TXNRD1: variants seen among roughly 807,000 people sequenced by gnomAD.
The protein encoded by TXNRD1 is thioredoxin reductase 1, cytoplasmic.
Under a neutral mutation model 80.3 loss-of-function variants are expected in TXNRD1, and 57 were observed. That is an observed-to-expected ratio of 0.71 (90% CI 0.57 to 0.89). The LOEUF (loss-of-function observed/expected upper bound fraction) is 0.89. Among genes scored for constraint, TXNRD1 ranks in the 40% least tolerant of loss-of-function variants. TXNRD1 has a pLI of 0.00. For missense variants in TXNRD1, 730 were observed against 803.0 expected (o/e 0.91, Z 1.10); for synonymous variants, 291 against 285.2 (o/e 1.02, Z -0.20).
At chr12:104,273,648 G>A (rs1304151761) in intron 3 of TXNRD1, among the ~76,000 whole-genome samples, 1 of 152,098 alleles carries the variant, frequency 6.6e-6, no homozygotes, top group Non-Finnish European at 1.5e-5. Context: ...GCCACCCTCA[G>A]CAGCATCAGA....
chr12:104,304,694 C>A (rs768010297), intron 4 of TXNRD1: 4 of 1,613,854 alleles, frequency 2.5e-6, no homozygotes, highest in Non-Finnish European at 2.5e-6. Flanking sequence ...CTCTTTTTCT[C>A]GTACTGTGGA....
chr12:104,285,327 T>C (rs189468754), intron 3 of TXNRD1, among the ~76,000 whole-genome samples: 1 of 152,336 alleles, frequency 6.6e-6, no homozygotes, highest in Admixed American at 6.5e-5. Context: ...TCTGGGCTCT[T>C]AACAGCAGCA....
intron 16 of TXNRD1, among the ~76,000 whole-genome samples, chr12:104,341,562 G>GT (rs1263510291): frequency 1.3e-5 from 2 of 152,108 alleles, no homozygotes; most frequent in Non-Finnish European, 2.9e-5. Context: ...CTTGTGATCT[G>GT]TTTTTTTACT....
intron 10 of TXNRD1, among the ~76,000 whole-genome samples, chr12:104,325,067 A>T (rs898795173): frequency 2.6e-5 from 4 of 152,182 alleles, no homozygotes; most frequent in African/African-American, 7.2e-5. Flanking sequence ...TGCTTTCTGT[A>T]GCTTGCTTTT....
At chr12:104,266,886 C>A (rs569625584) in intron 3 of TXNRD1, among the ~76,000 whole-genome samples, 4 of 152,162 alleles carry the variant, frequency 2.6e-5, no homozygotes, top group Admixed American at 6.5e-5. Context: ...GGTGTGAACC[C>A]GGGAGGCGGA....
rs1254150524 is a variant in TXNRD1, at chr12:104,215,940, C to G, written c.91+47C>G. On this transcript the variant is annotated intron_variant, in intron 1 of 16. Coordinates refer to ENST00000525566, the MANE Select transcript of TXNRD1 (RefSeq NM_001093771.3). ...TGGTCCCCAGGTCGACGGGCCGAAG[C>G]GGGCCTTCCGGCCGGGGTTGGGGAT... is the stretch of plus-strand genomic sequence containing the variant. The G allele has an allele frequency of 2.7e-6, 4 of 1,486,390 alleles. No homozygotes were observed. The African/African-American group carries it at 5.7e-5, about 21-fold the overall frequency. 92.1% of individuals were successfully genotyped at this position (1,486,390 alleles called of 1,614,324 possible).
intron 3 of TXNRD1, among the ~76,000 whole-genome samples, chr12:104,273,348 C>G (rs1004955352): frequency 5.3e-5 from 8 of 152,158 alleles, no homozygotes; most frequent in African/African-American, 1.7e-4. Context: ...AATCCCAGCA[C>G]TAATGGGAGG....
At chr12:104,252,253 G>C (rs1031251991) in intron 2 of TXNRD1, among the ~76,000 whole-genome samples, 1 of 151,882 alleles carries the variant, frequency 6.6e-6, no homozygotes, top group African/African-American at 2.4e-5. Flanking sequence ...GTTGATTTGC[G>C]GCCCTTTCAG....
In TXNRD1 at chr12:104,251,677, A is replaced by AG; in HGVS notation, c.243+1dup. The AG allele has an allele frequency of 6.2e-7, 1 of 1,611,956 alleles. No individual in the cohort carries two copies. Among genetic ancestry groups the AG allele is most frequent in the Non-Finnish European group, 8.5e-7 (1 of 1,179,364 alleles). On this transcript the variant is annotated frameshift_variant and splice_region_variant, in exon 2 of 17. Coordinates refer to ENST00000525566, the MANE Select transcript of TXNRD1 (RefSeq NM_001093771.3). LOFTEE classifies it high-confidence loss of function. ...AGGTCCACATGCACACGCTGTACTG[A>AG]GGTAAGGCTTTAAACTCAAGGGGTT...
At chr12:104,276,506 T>C (rs2033761065) in intron 3 of TXNRD1, 1 of 152,182 alleles carries the variant, frequency 6.6e-6, no homozygotes, top group African/African-American at 2.4e-5. Flanking sequence ...CTCCAGAAAT[T>C]AGCAAATACT....
chr12:104,304,927 C>T (rs761125074), intron 4 of TXNRD1: 3 of 1,588,716 alleles, frequency 1.9e-6, no homozygotes, highest in Non-Finnish European at 2.6e-6. Flanking sequence ...TTACATACTC[C>T]TCATACTAAA....
At chr12:104,247,618 C>G (rs2033021897) in intron 1 of TXNRD1, among the ~76,000 whole-genome samples, 2 of 152,078 alleles carry the variant, frequency 1.3e-5, no homozygotes, top group Admixed American at 1.3e-4. Context: ...ATCTATTTAT[C>G]TTTCCATCTA....
intron 1 of TXNRD1, among the ~76,000 whole-genome samples, chr12:104,238,189 C>T (rs981655014): frequency 1.3e-5 from 2 of 152,106 alleles, no homozygotes; most frequent in Non-Finnish European, 2.9e-5. Context: ...TTTTGTCATT[C>T]GCAGACAATT....
chr12:104,336,913 C>CTGGGCAAGAAGAGCAATACTCCATCTCAA (rs1555218527), intron 15 of TXNRD1, among the ~76,000 whole-genome samples: 2 of 152,124 alleles, frequency 1.3e-5, no homozygotes, highest in Non-Finnish European at 2.9e-5. Flanking sequence ...TATTCTCACA[C>CTGGGCAAGAAGAGCAATACTCCATCTCAA]AATGTAGATA....
chr12:104,335,415 G>A (rs574839813), intron 15 of TXNRD1, among the ~76,000 whole-genome samples: 29 of 152,164 alleles, frequency 1.9e-4, no homozygotes, highest in African/African-American at 7.0e-4. Context: ...GGCCAGGCTG[G>A]TCTCGAACTC....
At chr12:104,251,459 A>C (rs2033115673) in intron 1 of TXNRD1, 68 bp from the exon 2 acceptor site, 1 of 1,507,314 alleles carries the variant, frequency 6.6e-7, no homozygotes, top group Non-Finnish European at 9.0e-7. Flanking sequence ...GAGTGAACCT[A>C]ATATTAGAAA....
chr12:104,274,486 A>G (rs1014799084), intron 3 of TXNRD1, among the ~76,000 whole-genome samples: 6 of 152,100 alleles, frequency 3.9e-5, no homozygotes, highest in African/African-American at 1.2e-4. Flanking sequence ...GCCTGAGTTC[A>G]GGAGTTCGAG....
intron 14 of TXNRD1, among the ~76,000 whole-genome samples, chr12:104,332,749 C>CAAAAAAAA (rs34106883): frequency 2.6e-4 from 20 of 76,728 alleles, no homozygotes; most frequent in South Asian, 4.7e-4. Context: ...AACTCCGTCT[C>CAAAAAAAA]AAAAAAAAAA....
At chr12:104,322,200 A>G (rs937914544) in intron 10 of TXNRD1, among the ~76,000 whole-genome samples, 12 of 152,170 alleles carry the variant, frequency 7.9e-5, no homozygotes, top group Non-Finnish European at 2.9e-5. Context: ...TGAAAATAGC[A>G]TCTAACAATT....
Sources: gnomAD v4.1 joint callset for allele counts (sites outside exome capture counted in the v4.1 genomes callset) on GRCh38, gnomAD v4.1.1 for gene constraint, MANE v1.5 for transcripts, NCBI Gene and HGNC (gene_info 2026-07-23, HGNC 2026-07-21) for gene names.